Variants in TF observed in about 807,000 individuals in gnomAD.
TF encodes transferrin.
Under a neutral mutation model 82.4 loss-of-function variants are expected in TF, and 55 were observed. The observed-to-expected ratio is 0.67, with a 90% CI of 0.54 to 0.84. The LOEUF (loss-of-function observed/expected upper bound fraction) is 0.84, where lower values mean the gene tolerates loss of function less well. Among genes scored for constraint, TF ranks in the 40% least tolerant of loss-of-function variants. The pLI, the probability that TF is intolerant of heterozygous loss-of-function variation, is 0.00. For missense variants in TF, 737 were observed against 868.4 expected (o/e 0.85, Z 1.90); for synonymous variants, 332 against 332.6 (o/e 1.00, Z 0.02).
the TF span, among the ~76,000 whole-genome samples, chr3:133,694,565 G>A: frequency 1.3e-5 from 2 of 152,186 alleles, no homozygotes; most frequent in Admixed American, 6.5e-5. Flanking sequence ...AGAGCTTGGG[G>A]TTTGCCCATG....
rs202087286 is a variant in TF at position 133,768,100 on chromosome 3, T to G, written c.1558T>G (p.Ser520Ala). ...DSSLCKLCMGSGLNLCEPNNK... is the reference protein window; with the variant it reads ...DSSLCKLCMGAGLNLCEPNNK... ...CAGTCTCTGTAAGCTGTGTATGGGCTCAGGCCTAAACCTGTGTGAACCCAA... is the reference window on the plus strand; with the variant it reads ...CAGTCTCTGTAAGCTGTGTATGGGCGCAGGCCTAAACCTGTGTGAACCCAA... The change falls in exon 13 of 17, where the codon TCA becomes GCA. Residue 520 changes from serine (S) to alanine (A), a missense_variant. By Grantham distance (99) the Ser-to-Ala change is moderately conservative. Coordinates refer to ENST00000402696, the MANE Select transcript of TF (RefSeq NM_001063.4). 155 of 1,614,194 alleles carry G rather than the reference T, an allele frequency of 9.6e-5. No individual in the cohort carries two copies. The highest frequency in any genetic ancestry group is 1.2e-4 in the Non-Finnish European group (144 of 1,180,036).
chr3:133,671,735 A>G, the TF span, among the ~76,000 whole-genome samples: 4 of 151,436 alleles, frequency 2.6e-5, no homozygotes, highest in Middle Eastern at 0.014. Context: ...GGAGGTTACA[A>G]TGAGCCGCAA....
the TF span, among the ~76,000 whole-genome samples, chr3:133,665,328 G>A: frequency 6.6e-6 from 1 of 151,914 alleles, no homozygotes; most frequent in Non-Finnish European, 1.5e-5. Context: ...TGAGCTGAAC[G>A]TGGTGGCGGG....
chr3:133,764,376 G>C, intron 10 of TF, 101 bp downstream of exon 10: 5 of 1,022,794 alleles, frequency 4.9e-6, no homozygotes, highest in Non-Finnish European at 7.7e-6. Context: ...CTGCCATAAA[G>C]CTTTCCCTCT....
the TF span, among the ~76,000 whole-genome samples, chr3:133,713,791 C>T: frequency 6.6e-6 from 1 of 152,222 alleles, no homozygotes; most frequent in African/African-American, 2.4e-5. Flanking sequence ...GGGGTCCCTG[C>T]CACCCATGGG....
In TF at chr3:133,768,137, G is replaced by C; in HGVS notation, c.1595G>C (p.Gly532Ala). 6.2e-7 allele frequency: 1 copy of C among 1,614,128 alleles called. No homozygotes were observed. The highest frequency in any genetic ancestry group is 8.5e-7 in the Non-Finnish European group (1 of 1,180,046). The change falls in exon 13 of 17, where the codon GGA (glycine) becomes GCA (alanine). Residue 532 changes from glycine (G) to alanine (A), a missense_variant. Gly to Ala is a moderately conservative substitution (Grantham distance 60). Transcript: ENST00000402696. ...CTGTGTGAACCCAACAACAAAGAGG[G>C]ATACTACGGCTACACAGGCGCTTTC... Reference protein sequence around the residue: ...LNLCEPNNKEGYYGYTGAFRC... With the variant: ...LNLCEPNNKEAYYGYTGAFRC...
In TF at chr3:133,770,531, T is replaced by C; in HGVS notation, c.1646T>C (p.Val549Ala). The change falls in exon 14 of 17, where the codon GTG becomes GCG. Residue 549 changes from valine (V) to alanine (A), a missense_variant. Transcript: ENST00000402696. ...AGGTGTCTGGTTGAGAAGGGAGATG[T>C]GGCCTTTGTGAAACACCAGACTGTC... ...AFRCLVEKGD[V>A]AFVKHQTVPQ... 1.2e-6 allele frequency: 2 copies of C among 1,614,190 alleles called. No homozygotes were observed. Among genetic ancestry groups the C allele is most frequent in the Non-Finnish European group, 8.5e-7 (1 of 1,180,024 alleles).
chr3:133,686,254 A>C, the TF span, among the ~76,000 whole-genome samples: 2 of 152,202 alleles, frequency 1.3e-5, no homozygotes, highest in African/African-American at 2.4e-5. Context: ...CCTAGAAGAA[A>C]ACCTAGGCAA....
chr3:133,756,266 T>C lies in TF; in HGVS notation c.636-16T>C. 6.2e-7 allele frequency: 1 copy of C among 1,613,814 alleles called. No individual in the cohort carries two copies. The highest frequency in any genetic ancestry group is 8.5e-7 in the Non-Finnish European group (1 of 1,179,916). On this transcript the variant is annotated splice_polypyrimidine_tract_variant and intron_variant, in intron 5 of 16. Transcript: ENST00000402696. ...CTGCCCTGCAGGAGCCCTGCTGATG[T>C]GTTTCTTTGACCCAGGTGTCTGAAG... is the stretch of plus-strand genomic sequence containing the variant.
chr3:133,729,809 C>G, the TF span, among the ~76,000 whole-genome samples: 38 of 152,098 alleles, frequency 2.5e-4, no homozygotes, highest in Non-Finnish European at 4.7e-4. Context: ...TGGCTCCTCC[C>G]CCCCGTTTGG....
Position 133,790,616 on chromosome 3 carries a change from T to G in TF, c.*11996T>G, listed in dbSNP as rs1383553619. 6.6e-6 allele frequency: 1 copy of G among 152,236 alleles called. No homozygotes were observed. Among genetic ancestry groups the G allele is most frequent in the African/African-American group, 2.4e-5 (1 of 41,468 alleles). 9.4% of individuals were successfully genotyped at this position (152,236 alleles called of 1,614,324 possible). A position where few individuals can be genotyped will look rare whatever the true frequency, so the allele number is the denominator to read the frequency against. ...TCATAGTGAAAGCTGTTAGTCTTGA[T>G]AAAAGTAAAATAAGCATTGTAAAGA... On this transcript the variant is annotated 3_prime_UTR_variant, in exon 17 of 17. Coordinates refer to ENST00000402696, the MANE Select transcript of TF (RefSeq NM_001063.4).
the TF span, among the ~76,000 whole-genome samples, chr3:133,708,871 G>C: frequency 2.6e-5 from 4 of 151,680 alleles, no homozygotes; most frequent in African/African-American, 9.7e-5. Context: ...ATCACTGAGG[G>C]GTCAGTAAAG....
At chr3:133,663,958 T>C in the TF span, among the ~76,000 whole-genome samples, 7 of 152,362 alleles carry the variant, frequency 4.6e-5, no homozygotes, top group East Asian at 3.9e-4. Context: ...TTCTCCCATC[T>C]TGTGTCTCCA....
At chr3:133,710,881 C>A in the TF span, among the ~76,000 whole-genome samples, 1 of 152,160 alleles carries the variant, frequency 6.6e-6, no homozygotes, top group East Asian at 1.9e-4. Context: ...GGAACCACTC[C>A]CCTTCCACTC....
At chr3:133,706,218 C>T in the TF span, among the ~76,000 whole-genome samples, 5 of 152,200 alleles carry the variant, frequency 3.3e-5, no homozygotes, top group Non-Finnish European at 5.9e-5. Flanking sequence ...CCATTCCTGG[C>T]ATTTCTGGAC....
the TF span, among the ~76,000 whole-genome samples, chr3:133,733,218 C>T: frequency 6.6e-6 from 1 of 152,184 alleles, no homozygotes; most frequent in Admixed American, 6.5e-5. Flanking sequence ...GTCAAAATTT[C>T]ACAGCCTTCC....
At chr3:133,717,152 C>T in the TF span, among the ~76,000 whole-genome samples, 2 of 152,162 alleles carry the variant, frequency 1.3e-5, no homozygotes, top group South Asian at 2.1e-4. Context: ...TACCTTGCTT[C>T]GTGTCTCTTT....
the TF span, among the ~76,000 whole-genome samples, chr3:133,693,406 G>T: frequency 6.6e-6 from 1 of 152,242 alleles, no homozygotes. Context: ...AGGCTAGGGT[G>T]ATTTTTCAGC....
chr3:133,759,450 C>T, intron 9 of TF, 121 bp downstream of exon 9: 1 of 1,268,550 alleles, frequency 7.9e-7, no homozygotes, highest in Non-Finnish European at 1.1e-6. Flanking sequence ...GAACCTTGCC[C>T]TGACTATGTG....
Sources: allele counts gnomAD v4.1 joint callset (sites outside exome capture counted in the v4.1 genomes callset), GRCh38; gene constraint gnomAD v4.1.1; transcripts MANE v1.5; gene names NCBI Gene and HGNC (gene_info 2026-07-23, HGNC 2026-07-21).